The following RBFOX1 variants were observed in gnomAD, a reference collection of about 807,000 sequenced individuals.
RBFOX1 encodes the protein RNA binding fox-1 homolog 1.
In RBFOX1, 8 loss-of-function variants were observed where a neutral mutation model predicts 57.7. The ratio of observed to expected loss-of-function variants is 0.14; its 90% CI spans 0.08 to 0.25. The LOEUF (loss-of-function observed/expected upper bound fraction) is 0.25. Among genes scored for constraint, RBFOX1 ranks in the 10% least tolerant of loss-of-function variants. The probability of loss-of-function intolerance (pLI) is 1.00; values close to 1 mark genes in which losing one functional copy is unlikely to be tolerated. For missense variants in RBFOX1, 611 were observed against 548.5 expected, an observed-to-expected ratio of 1.11 and a Z score of -1.14; for synonymous variants, 326 against 222.4, an observed-to-expected ratio of 1.47 and a Z score of -4.15.
intron 3 of RBFOX1, among the ~76,000 whole-genome samples, chr16:6,894,098 A>C (rs1157644161): frequency 1.3e-5 from 2 of 152,226 alleles, no homozygotes; most frequent in Admixed American, 1.3e-4. Context: ...TGATAGATAG[A>C]CGAACAGATA....
At chr16:5,937,167 T>C (rs144869429) in intron 4 of RBFOX1, among the ~76,000 whole-genome samples, 43 of 152,310 alleles carry the variant, frequency 2.8e-4, no homozygotes, top group African/African-American at 1.0e-3. Flanking sequence ...TGCTGTGTCT[T>C]GGAATTGTGT....
chr16:6,768,395 A>G (rs1236575867), intron 3 of RBFOX1, among the ~76,000 whole-genome samples: 1 of 152,030 alleles, frequency 6.6e-6, no homozygotes, highest in Non-Finnish European at 1.5e-5. Context: ...TTGAAAATAC[A>G]AATATAATTG....
intron 14 of RBFOX1, among the ~76,000 whole-genome samples, chr16:7,684,479 C>G (rs188886989): frequency 5.3e-5 from 8 of 152,046 alleles, no homozygotes; most frequent in African/African-American, 1.4e-4. Flanking sequence ...TTTCTGAAAG[C>G]TGAAACATAA....
chr16:6,826,021 C>T (rs1332264334), intron 3 of RBFOX1, among the ~76,000 whole-genome samples: 1 of 152,156 alleles, frequency 6.6e-6, no homozygotes, highest in Non-Finnish European at 1.5e-5. Flanking sequence ...AGGCCGACCA[C>T]ATCGTGGTGA....
At chr16:6,746,454 A>C (rs930600502) in intron 3 of RBFOX1, among the ~76,000 whole-genome samples, 1 of 152,138 alleles carries the variant, frequency 6.6e-6, no homozygotes, top group Non-Finnish European at 1.5e-5. Context: ...AGACAGTTGG[A>C]TCACTTGAGC....
chr16:6,171,931 C>A (rs2152767250), intron 1 of RBFOX1, among the ~76,000 whole-genome samples: 1 of 152,124 alleles, frequency 6.6e-6, no homozygotes, highest in East Asian at 1.9e-4. Flanking sequence ...AAGTGATTGT[C>A]CTGCCTCAGC....
intron 1 of RBFOX1, among the ~76,000 whole-genome samples, chr16:6,166,718 G>A (rs1167521590): frequency 6.6e-6 from 1 of 152,108 alleles, no homozygotes; most frequent in Non-Finnish European, 1.5e-5. Flanking sequence ...CCTCTTTGGT[G>A]GGAGTGGGTT....
At chr16:6,939,572 A>C (rs2077990049) in intron 3 of RBFOX1, among the ~76,000 whole-genome samples, 1 of 145,258 alleles carries the variant, frequency 6.9e-6, no homozygotes, top group Non-Finnish European at 1.5e-5. Flanking sequence ...GTTCAGTGGG[A>C]GTGATTTCAG....
chr16:5,465,379 C>T (rs930258787), intron 1 of RBFOX1, among the ~76,000 whole-genome samples: 1 of 152,166 alleles, frequency 6.6e-6, no homozygotes, highest in East Asian at 1.9e-4. Context: ...TTAATCACCT[C>T]TTTAAAGGTC....
intron 2 of RBFOX1, among the ~76,000 whole-genome samples, chr16:5,554,128 G>T (rs1225535939): frequency 1.3e-5 from 2 of 151,924 alleles, no homozygotes; most frequent in African/African-American, 4.8e-5. Context: ...CCACCACCAT[G>T]CCTGATTAAT....
At chr16:6,506,090 C>G (rs1160504086) in intron 2 of RBFOX1, among the ~76,000 whole-genome samples, 1 of 152,114 alleles carries the variant, frequency 6.6e-6, no homozygotes, top group Non-Finnish European at 1.5e-5. Context: ...TTGCATATAT[C>G]CAGACATGCC....
intron 4 of RBFOX1, among the ~76,000 whole-genome samples, chr16:7,218,001 C>T (rs199501689): frequency 3.3e-5 from 5 of 150,564 alleles, no homozygotes; most frequent in Non-Finnish European, 7.4e-5. Context: ...TGTGCACGTG[C>T]ATGTGTGTTT....
At chr16:6,062,608 C>CATAACATATACAT (rs2095702239) in intron 1 of RBFOX1, among the ~76,000 whole-genome samples, 1 of 27,268 alleles carries the variant, frequency 3.7e-5, no homozygotes, top group Admixed American at 3.5e-4. Flanking sequence ...ATATATGTTA[C>CATAACATATACAT]ATAATATATA....
rs372034836 is a variant in RBFOX1, at chr16:5,380,840, A to C, written c.220-86376A>C. ...CCCTATGCACTTATATATAACTTGAATATTTTATCCTGAGGATGTACTCAT... is the reference window on the plus strand; with the variant it reads ...CCCTATGCACTTATATATAACTTGACTATTTTATCCTGAGGATGTACTCAT... On this transcript the variant is annotated intron_variant, in intron 1 of 2. Coordinates refer to the RBFOX1 transcript ENST00000585867. Among the ~76,000 whole-genome samples the C allele has an allele frequency of 9.9e-5, 15 of 152,196 alleles. 1 individual carries two copies. The highest frequency in any genetic ancestry group is 2.7e-4 in the African/African-American group (11 of 41,446).
At chr16:6,134,683 A>ATTGTTTTTTTTT (rs2096653494) in intron 1 of RBFOX1, among the ~76,000 whole-genome samples, 1 of 143,462 alleles carries the variant, frequency 7.0e-6, no homozygotes, top group Non-Finnish European at 1.5e-5. Context: ...AACTCAGAGT[A>ATTGTTTTTTTTT]TTTTTTTTTT....
chr16:7,286,454 T>G (rs989210657), intron 4 of RBFOX1, among the ~76,000 whole-genome samples: 27 of 148,098 alleles, frequency 1.8e-4, no homozygotes, highest in African/African-American at 6.7e-4. Context: ...TCTTATTTTT[T>G]TTTTTTTTTT....
At position 6,234,344 on chromosome 16, in the gene RBFOX1, T is replaced by C. The variant is rs575049670; in HGVS notation, c.-126-82651T>C. On this transcript the variant is annotated intron_variant, in intron 1 of 15. Transcript: ENST00000550418. ...TTGGCATTTAGTTCAGTTGTAAATT[T>C]ACATTTGTTTATGTGATTCTTTGAT... Among the ~76,000 whole-genome samples the C allele has an allele frequency of 3.3e-5, 5 of 152,362 alleles. No individual in the cohort carries two copies. In the East Asian group the frequency reaches 9.6e-4, roughly 29 times the overall value.
At chr16:6,417,707 TAAAA>T (rs1555463885) in intron 2 of RBFOX1, among the ~76,000 whole-genome samples, 2 of 146,556 alleles carry the variant, frequency 1.4e-5, no homozygotes, top group East Asian at 2.0e-4. Context: ...CCTTTCTTTT[TAAAA>T]AAAAAAAAAA....
At chr16:7,611,724 T>C (rs747426687) in intron 10 of RBFOX1, among the ~76,000 whole-genome samples, 2 of 152,142 alleles carry the variant, frequency 1.3e-5, no homozygotes, top group Non-Finnish European at 1.5e-5. Flanking sequence ...ACTATTTGCA[T>C]TGATAAATTA....
Sources: allele counts gnomAD v4.1 joint callset (sites outside exome capture counted in the v4.1 genomes callset), GRCh38; gene constraint gnomAD v4.1.1; transcripts MANE v1.5; gene names NCBI Gene and HGNC (gene_info 2026-07-23, HGNC 2026-07-21).